Variants in STK31 observed in about 807,000 individuals in gnomAD.
STK31 encodes the protein serine/threonine kinase 31.
A neutral mutation model predicts 129.7 loss-of-function variants in STK31; 89 were observed. The ratio of observed to expected loss-of-function variants is 0.69; its 90% confidence interval spans 0.58 to 0.82. The LOEUF is 0.82. STK31 is among the 40% of genes least tolerant of loss of function. The pLI is 0.00. For synonymous variants in STK31, 448 were observed against 395.3 expected, an observed-to-expected ratio of 1.13 and a Z score of -1.58; for missense variants, 1,187 against 1,176.4, an observed-to-expected ratio of 1.01 and a Z score of -0.13.
chr7:23,770,246 G>T lies in STK31; in HGVS notation c.1713+490G>T, dbSNP rs557260847. 9.2e-5 allele frequency among the ~76,000 whole-genome samples: 14 copies of T among 152,248 alleles called. No homozygotes were observed. The South Asian group carries it at 2.9e-3, about 32-fold the overall frequency. On this transcript the variant is annotated intron_variant, in intron 13 of 23. Coordinates refer to ENST00000355870, the MANE Select transcript of STK31 (RefSeq NM_031414.5). ...GTGTAGCTACTCCAAAGGGTGTTTT[G>T]TAATTTTAATTATTGCTCATTGGGA...
chr7:23,722,214 C>G (rs1410734881), intron 4 of STK31: 1 of 152,574 alleles, frequency 6.6e-6, no homozygotes, highest in Admixed American at 6.5e-5. Context: ...GTGGTTTTAT[C>G]TACTTTTTGT....
chr7:23,827,916 G>T (rs1484883024), intron 23 of STK31, among the ~76,000 whole-genome samples: 1 of 152,160 alleles, frequency 6.6e-6, no homozygotes, highest in African/African-American at 2.4e-5. Flanking sequence ...GTGGATACTG[G>T]TGAACCACAA....
At chr7:23,781,281 T>G in intron 15 of STK31, 138 bp from the exon 16 acceptor site, 1 of 572,390 alleles carries the variant, frequency 1.7e-6, no homozygotes, top group East Asian at 3.3e-5. Context: ...TCAGCAAGTA[T>G]TAGAAGGGTC....
intron 20 of STK31, 118 bp downstream of exon 20, chr7:23,787,042 A>G (rs1214953632): frequency 3.3e-6 from 3 of 900,498 alleles, no homozygotes; most frequent in East Asian, 5.0e-5. Flanking sequence ...ATGGTATTCT[A>G]TTTGTCACCT....
At chr7:23,746,170 G>T (rs939570601) in intron 8 of STK31, among the ~76,000 whole-genome samples, 1 of 152,128 alleles carries the variant, frequency 6.6e-6, no homozygotes, top group Non-Finnish European at 1.5e-5. Context: ...GGATTGGGGG[G>T]TGGGTGTATG....
chr7:23,782,343 G>A lies in STK31; in HGVS notation c.2067+823G>A, dbSNP rs898744191. Among the ~76,000 whole-genome samples, 5 of 151,584 alleles carry A rather than the reference G, an allele frequency of 3.3e-5. No homozygotes were observed. In the South Asian group the frequency reaches 1.0e-3, roughly 32 times the overall value. On this transcript the variant is annotated intron_variant, in intron 16 of 23. Coordinates refer to ENST00000355870, the MANE Select transcript of STK31 (RefSeq NM_031414.5). ...AACAATTAGCTGGTCATGGTGTCAT[G>A]TACCTGTAGTCCCAGCTGCTTTGGA... is the stretch of plus-strand genomic sequence containing the variant.
At position 23,718,689 on chromosome 7, in the gene STK31, T is replaced by G. The variant is rs1412940707; in HGVS notation, c.249+1110T>G. On this transcript the variant is annotated intron_variant, in intron 4 of 23. Transcript: ENST00000355870. ...TTAGTGTATTGGTAGTCTGTTCTTT[T>G]TTAAGCTATTTAACATTCATTGTAT... is the stretch of plus-strand genomic sequence containing the variant. Among the ~76,000 whole-genome samples, 3 of 152,262 alleles carry G rather than the reference T, an allele frequency of 2.0e-5. No homozygotes were observed. The East Asian group carries it at 5.8e-4, about 29-fold the overall frequency.
intron 15 of STK31, 92 bp downstream of exon 15, chr7:23,772,370 A>G: frequency 2.4e-6 from 3 of 1,271,102 alleles, no homozygotes; most frequent in Non-Finnish European, 3.2e-6. Flanking sequence ...TACACTCTTT[A>G]CAATAAGAGA....
intron 11 of STK31, among the ~76,000 whole-genome samples, chr7:23,765,712 A>G (rs943962038): frequency 9.2e-5 from 14 of 151,814 alleles, no homozygotes; most frequent in Non-Finnish European, 2.1e-4. Flanking sequence ...AGGCCTGGCT[A>G]ATTTTTGTGT....
chr7:23,781,331 C>G (rs575410109), intron 15 of STK31, 88 bp from the exon 16 acceptor site: 16 of 929,842 alleles, frequency 1.7e-5, no homozygotes, highest in Non-Finnish European at 2.5e-5. Flanking sequence ...AGAAACCACA[C>G]AGAGTAATTT....
intron 23 of STK31, among the ~76,000 whole-genome samples, chr7:23,824,442 T>C (rs913995011): frequency 6.6e-6 from 1 of 152,244 alleles, no homozygotes; most frequent in Non-Finnish European, 1.5e-5. Flanking sequence ...TTTTGCACAT[T>C]GATTTTGTAT....
chr7:23,752,414 A>G (rs1015510951), intron 8 of STK31, among the ~76,000 whole-genome samples: 7 of 151,138 alleles, frequency 4.6e-5, no homozygotes, highest in Admixed American at 4.6e-4. Flanking sequence ...CTGTGGCACA[A>G]TCTCGCCTCG....
chr7:23,751,355 A>G (rs1004876330), intron 8 of STK31, among the ~76,000 whole-genome samples: 4 of 152,180 alleles, frequency 2.6e-5, no homozygotes, highest in African/African-American at 9.6e-5. Flanking sequence ...TCTTTTGGAT[A>G]AATACTCAGT....
chr7:23,732,334 A>G (rs1393506787), intron 6 of STK31, among the ~76,000 whole-genome samples: 2 of 152,208 alleles, frequency 1.3e-5, no homozygotes, highest in East Asian at 1.9e-4. Context: ...GTGCAGGTAT[A>G]TATCTCCAGC....
At chr7:23,803,032 G>A (rs1792476226) in intron 22 of STK31, among the ~76,000 whole-genome samples, 1 of 152,120 alleles carries the variant, frequency 6.6e-6, no homozygotes, top group African/African-American at 2.4e-5. Flanking sequence ...TACATGTGTT[G>A]TTAGATTTAT....
intron 17 of STK31, among the ~76,000 whole-genome samples, chr7:23,784,181 C>A (rs538292070): frequency 5.3e-5 from 8 of 152,058 alleles, no homozygotes; most frequent in Non-Finnish European, 1.2e-4. Context: ...TTAGTAAACA[C>A]TGGTTTACTA....
chr7:23,738,584 A>C (rs1787860340), intron 8 of STK31, among the ~76,000 whole-genome samples: 1 of 151,308 alleles, frequency 6.6e-6, no homozygotes, highest in Non-Finnish European at 1.5e-5. Context: ...TTTTTTTTTA[A>C]ACTCAAACTT....
At chr7:23,763,157 A>G (rs922655123) in intron 11 of STK31, among the ~76,000 whole-genome samples, 4 of 152,212 alleles carry the variant, frequency 2.6e-5, no homozygotes, top group Non-Finnish European at 5.9e-5. Flanking sequence ...GGACTCCAGT[A>G]TTCACTGGGG....
chr7:23,808,943 T>TTGTGTGTGTGTGTGTGTGTGTGTGTGTG (rs1554297249), intron 22 of STK31, among the ~76,000 whole-genome samples: 20 of 84,524 alleles, frequency 2.4e-4, no homozygotes, highest in South Asian at 1.6e-3. Flanking sequence ...CTTGGAGCTT[T>TTGTGTGTGTGTGTGTGTGTGTGTGTGTG]TGTGTGTGTG....
Sources: gnomAD v4.1 joint callset for allele counts (sites outside exome capture counted in the v4.1 genomes callset) on GRCh38, gnomAD v4.1.1 for gene constraint, MANE v1.5 for transcripts, NCBI Gene and HGNC (gene_info 2026-07-23, HGNC 2026-07-21) for gene names.